The following ALK variants were observed in gnomAD, a reference collection of about 807,000 sequenced individuals.
ALK encodes ALK tyrosine kinase receptor.
ALK carries 74 observed loss-of-function variants against 163.1 expected under a neutral mutation model. The ratio of observed to expected loss-of-function variants is 0.45; its 90% CI spans 0.38 to 0.55. ALK has a LOEUF of 0.55. ALK is among the 20% of genes least tolerant of loss of function. The pLI is 0.00. For missense variants in ALK, 2,063 were observed against 2,105.3 expected (o/e 0.98, Z 0.39); for synonymous variants, 960 against 843.2 (o/e 1.14, Z -2.40).
chr2:29,240,528 AG>A (rs1301588735), intron 12 of ALK, among the ~76,000 whole-genome samples: 1 of 152,180 alleles, frequency 6.6e-6, no homozygotes, highest in Non-Finnish European at 1.5e-5. Context: ...GGAAACAAGG[AG>A]GTTCCTCACA....
Position 29,920,850 on chromosome 2 carries a change from A to T in ALK, c.-191T>A. 1 of 607,090 alleles carries T rather than the reference A, an allele frequency of 1.6e-6. No homozygotes were observed. Among genetic ancestry groups the T allele is most frequent in the Non-Finnish European group, 2.9e-6 (1 of 345,076 alleles). 37.6% of individuals were successfully genotyped at this position (607,090 alleles called of 1,614,324 possible). ...ACGGAGGCGAGCAGGAGTCTAAATG[A>T]AACAGACCTGGAAGCTCAGGGGCGA... On this transcript the variant is annotated 5_prime_UTR_variant, in exon 1 of 29. Coordinates refer to ENST00000389048, the MANE Select transcript of ALK (RefSeq NM_004304.5).
At chr2:29,441,263 AG>A (rs753350777) in intron 4 of ALK, among the ~76,000 whole-genome samples, 24 of 152,262 alleles carry the variant, frequency 1.6e-4, no homozygotes, top group Non-Finnish European at 3.1e-4. Context: ...AGGAACTCAA[AG>A]GCAGAGTGCC....
In ALK at chr2:29,853,451, C is replaced by G. The variant is rs11886518; in HGVS notation, c.667+66542G>C. Among the ~76,000 whole-genome samples the G allele has an allele frequency of 5.2e-3, 790 of 152,304 alleles. 4 individuals carry two copies. Among genetic ancestry groups the G allele is most frequent in the African/African-American group, 0.018 (756 of 41,558 alleles). ...CATCCAATCTCTCAGCAAGTCTGTTCATGCCACCTCCAGACAAGATCCCAG... is the reference window on the plus strand; with the variant it reads ...CATCCAATCTCTCAGCAAGTCTGTTGATGCCACCTCCAGACAAGATCCCAG... On this transcript the variant is annotated intron_variant, in intron 1 of 28. Transcript: ENST00000389048.
intron 8 of ALK, among the ~76,000 whole-genome samples, chr2:29,311,190 G>A (rs973195723): frequency 6.6e-6 from 1 of 152,200 alleles, no homozygotes; most frequent in African/African-American, 2.4e-5. Context: ...GGGTAGATGA[G>A]GGGCAACCAT....
At chr2:29,847,420 T>C (rs1456568463) in intron 1 of ALK, among the ~76,000 whole-genome samples, 1 of 152,120 alleles carries the variant, frequency 6.6e-6, no homozygotes, top group East Asian at 1.9e-4. Flanking sequence ...CAGGGGATTT[T>C]AATAAAAGCA....
At chr2:29,547,469 C>T (rs1165308491) in intron 3 of ALK, among the ~76,000 whole-genome samples, 3 of 152,064 alleles carry the variant, frequency 2.0e-5, no homozygotes, top group African/African-American at 4.8e-5. Flanking sequence ...TGGTGGCGTG[C>T]GCCTGTAGTC....
intron 1 of ALK, among the ~76,000 whole-genome samples, chr2:29,909,512 GAGAGAGAA>G (rs1168150884): frequency 0.016 from 2,448 of 150,754 alleles, 69 homozygotes; most frequent in African/African-American, 0.058. Flanking sequence ...GAGAGAGAGA[GAGAGAGAA>G]TGCTCCACAA....
At chr2:29,827,263 G>C (rs1341418924) in intron 1 of ALK, among the ~76,000 whole-genome samples, 6 of 152,178 alleles carry the variant, frequency 3.9e-5, no homozygotes, top group African/African-American at 9.6e-5. Context: ...TTATAGATGA[G>C]AAATCAAGGT....
At chr2:29,286,235 C>T (rs1665852952) in intron 9 of ALK, among the ~76,000 whole-genome samples, 1 of 152,178 alleles carries the variant, frequency 6.6e-6, no homozygotes, top group Middle Eastern at 3.2e-3. Context: ...TGTGGAGGTC[C>T]TGTGATCTGG....
At chr2:29,637,537 C>G (rs1676572067) in intron 3 of ALK, among the ~76,000 whole-genome samples, 1 of 151,848 alleles carries the variant, frequency 6.6e-6, no homozygotes, top group South Asian at 2.1e-4. Context: ...GGTGAAATCC[C>G]TTCTCTACTA....
At chr2:29,872,933 G>A (rs1038851513) in intron 1 of ALK, among the ~76,000 whole-genome samples, 1 of 152,190 alleles carries the variant, frequency 6.6e-6, no homozygotes, top group Non-Finnish European at 1.5e-5. Flanking sequence ...AGAACTTGTT[G>A]GACTGCAACA....
chr2:29,234,246 G>A (rs376233035), intron 13 of ALK, among the ~76,000 whole-genome samples: 17 of 152,242 alleles, frequency 1.1e-4, no homozygotes, highest in Admixed American at 6.5e-4. Context: ...TGGAGGGAGC[G>A]TAAATTAGGT....
At chr2:29,256,152 G>C (rs757004713) in intron 11 of ALK, among the ~76,000 whole-genome samples, 1 of 152,216 alleles carries the variant, frequency 6.6e-6, no homozygotes, top group Non-Finnish European at 1.5e-5. Flanking sequence ...AGGCAAGAGA[G>C]TTAGCAAGAG....
intron 5 of ALK, among the ~76,000 whole-genome samples, chr2:29,355,018 G>A (rs368415245): frequency 5.3e-5 from 8 of 152,150 alleles, no homozygotes; most frequent in African/African-American, 1.9e-4. Context: ...CACCTGTCTC[G>A]GCCTCCCAAA....
intron 6 of ALK, among the ~76,000 whole-genome samples, chr2:29,326,800 C>T (rs562893447): frequency 1.3e-5 from 2 of 152,364 alleles, no homozygotes; most frequent in Non-Finnish European, 2.9e-5. Context: ...CCACCCCCCA[C>T]AAAGGGTCCA....
At chr2:29,492,653 G>A (rs1177097477) in intron 4 of ALK, among the ~76,000 whole-genome samples, 1 of 152,332 alleles carries the variant, frequency 6.6e-6, no homozygotes, top group Non-Finnish European at 1.5e-5. Context: ...GAATATGGGT[G>A]AGGAACTTCC....
At chr2:29,293,791 C>G (rs1666102852) in intron 9 of ALK, among the ~76,000 whole-genome samples, 2 of 151,574 alleles carry the variant, frequency 1.3e-5, no homozygotes, top group Non-Finnish European at 2.9e-5. Context: ...AAGGCATCCC[C>G]AAAGCCACAG....
chr2:29,857,978 A>G (rs1666186770), intron 1 of ALK, among the ~76,000 whole-genome samples: 1 of 152,236 alleles, frequency 6.6e-6, no homozygotes, highest in African/African-American at 2.4e-5. Flanking sequence ...TAGCATAACC[A>G]GGATACTGAC....
chr2:29,502,570 T>A (rs1196063685), intron 4 of ALK, among the ~76,000 whole-genome samples: 2 of 152,066 alleles, frequency 1.3e-5, no homozygotes. Context: ...GAACAATGAC[T>A]CAGGCATTCT....
Sources: allele counts gnomAD v4.1 joint callset (sites outside exome capture counted in the v4.1 genomes callset), GRCh38; gene constraint gnomAD v4.1.1; transcripts MANE v1.5; gene names NCBI Gene and HGNC (gene_info 2026-07-23, HGNC 2026-07-21).